The following UBN2 variants were observed in gnomAD, a reference collection of about 807,000 sequenced individuals.
UBN2 encodes the protein ubinuclein 2, also known as ubinuclein-2.
Under a neutral mutation model 120.2 loss-of-function variants are expected in UBN2, and 35 were observed. The observed-to-expected ratio is 0.29, with a 90% CI of 0.22 to 0.39. The LOEUF (loss-of-function observed/expected upper bound fraction) is 0.39. UBN2 is among the 10% of genes least tolerant of loss of function. The pLI is 1.00. For missense variants in UBN2, 1,693 were observed against 1,663.2 expected, an observed-to-expected ratio of 1.02 and a Z score of -0.31; for synonymous variants, 661 against 648.7, an observed-to-expected ratio of 1.02 and a Z score of -0.29.
chr7:139,289,444 ACT>A (rs1491224758), intron 15 of UBN2, among the ~76,000 whole-genome samples: 1 of 121,954 alleles, frequency 8.2e-6, no homozygotes, highest in Admixed American at 1.1e-4. Flanking sequence ...ACAGGGTCTC[ACT>A]CTGTTGCCCA....
rs1166383626 is a variant in UBN2, at chr7:139,235,049, GT to G, written c.469-1951del. Among the ~76,000 whole-genome samples the G allele has an allele frequency of 3.3e-5, 5 of 152,028 alleles. No homozygotes were observed. The South Asian group carries it at 1.0e-3, about 32-fold the overall frequency. ...AAAGTGAGTCCATTTTCTTAAATTTGTTTTTGTAGGCTGTCAAGAGAAAATA... is the reference window on the plus strand; with the variant it reads ...AAAGTGAGTCCATTTTCTTAAATTTGTTTTGTAGGCTGTCAAGAGAAAATA... On this transcript the variant is annotated intron_variant, in intron 1 of 17. Coordinates refer to ENST00000473989, the MANE Select transcript of UBN2 (RefSeq NM_173569.4).
chr7:139,257,599 G>A (rs1028002630), intron 3 of UBN2, among the ~76,000 whole-genome samples: 2 of 151,894 alleles, frequency 1.3e-5, no homozygotes, highest in African/African-American at 4.8e-5. Flanking sequence ...TGTATTTTTA[G>A]TAGAGATGGG....
chr7:139,266,226 CAA>C (rs377760158), intron 6 of UBN2, 105 bp from the exon 7 acceptor site: 27,741 of 332,688 alleles, frequency 0.083, no homozygotes, highest in South Asian at 0.12. Flanking sequence ...GGCCCTATCT[CAA>C]AAAAAAAAAA....
downstream of UBN2, among the ~76,000 whole-genome samples, chr7:139,310,517 T>A (rs1798433649): frequency 6.6e-6 from 1 of 152,208 alleles, no homozygotes; most frequent in Non-Finnish European, 1.5e-5. Flanking sequence ...ATGCCTGTAA[T>A]CCCAGTACTT....
intron 3 of UBN2, among the ~76,000 whole-genome samples, chr7:139,257,366 ATATG>A (rs1563209421): frequency 6.6e-6 from 1 of 152,122 alleles, no homozygotes; most frequent in Non-Finnish European, 1.5e-5. Flanking sequence ...TTCTTTTAAA[ATATG>A]TGCTATTCTT....
At chr7:139,252,133 T>C (rs945874350) in intron 3 of UBN2, 76 bp downstream of exon 3, 1 of 1,180,572 alleles carries the variant, frequency 8.5e-7, no homozygotes. Flanking sequence ...TAAAGTAACT[T>C]AAATAGTGCA....
In UBN2 at chr7:139,305,853, A is replaced by G. The variant is rs1471993226; in HGVS notation, c.*8017A>G. On this transcript the variant is annotated 3_prime_UTR_variant, in exon 18 of 18. Transcript: ENST00000473989. Reference sequence around the variant, plus strand: ...GTTACTTTTCAAGGTTATTCTAAAGAGATGGAGATCTTCATTAGAGGCTAT... The same window carrying G: ...GTTACTTTTCAAGGTTATTCTAAAGGGATGGAGATCTTCATTAGAGGCTAT... 6.6e-6 allele frequency: 1 copy of G among 152,154 alleles called. No homozygotes were observed. Among genetic ancestry groups the G allele is most frequent in the Non-Finnish European group, 1.5e-5 (1 of 68,026 alleles). 9.4% of individuals were successfully genotyped at this position (152,154 alleles called of 1,614,324 possible).
chr7:139,288,589 A>T (rs561143253), intron 15 of UBN2, among the ~76,000 whole-genome samples: 18 of 152,250 alleles, frequency 1.2e-4, no homozygotes, highest in Admixed American at 5.9e-4. Flanking sequence ...GTGGGAAGCT[A>T]TTGGAGGTTC....
intron 13 of UBN2, among the ~76,000 whole-genome samples, chr7:139,280,728 C>T (rs1797583948): frequency 6.6e-6 from 1 of 152,208 alleles, no homozygotes; most frequent in South Asian, 2.1e-4. Context: ...TCACTGCAAC[C>T]TCTGCCTCAC....
chr7:139,259,236 C>T (rs903029699), intron 4 of UBN2, 31 bp from the exon 5 acceptor site: 6 of 1,607,300 alleles, frequency 3.7e-6, no homozygotes, highest in Non-Finnish European at 5.1e-6. Flanking sequence ...TTGTTACTTA[C>T]ATAAATGATC....
chr7:139,316,728 A>G, the UBN2 span, among the ~76,000 whole-genome samples: 3 of 152,190 alleles, frequency 2.0e-5, no homozygotes, highest in East Asian at 5.8e-4. Context: ...CTGGACGACA[A>G]GAGTGAAACT....
intron 2 of UBN2, among the ~76,000 whole-genome samples, chr7:139,246,618 T>C (rs1295184278): frequency 6.6e-6 from 1 of 152,218 alleles, no homozygotes; most frequent in Non-Finnish European, 1.5e-5. Flanking sequence ...TGATGGATTT[T>C]AACAGATGCG....
intron 2 of UBN2, among the ~76,000 whole-genome samples, 170 bp from the exon 3 acceptor site, chr7:139,251,786 C>G (rs1796630892): frequency 6.6e-6 from 1 of 152,200 alleles, no homozygotes; most frequent in African/African-American, 2.4e-5. Flanking sequence ...TTTTTATACT[C>G]TTTGGAACAA....
intron 8 of UBN2, among the ~76,000 whole-genome samples, chr7:139,271,766 A>G (rs1797282078): frequency 6.6e-6 from 1 of 152,158 alleles, no homozygotes; most frequent in South Asian, 2.1e-4. Context: ...TTGCCCTGAA[A>G]ACGCACATGA....
At chr7:139,321,660 T>G in the UBN2 span, among the ~76,000 whole-genome samples, 3 of 145,142 alleles carry the variant, frequency 2.1e-5, no homozygotes, top group Admixed American at 7.5e-5. Flanking sequence ...GTGTAGCCTC[T>G]GGGGGACAGC....
intron 3 of UBN2, among the ~76,000 whole-genome samples, chr7:139,258,235 A>G (rs1796820913): frequency 6.6e-6 from 1 of 152,018 alleles, no homozygotes; most frequent in Non-Finnish European, 1.5e-5. Context: ...TGATCCTTAA[A>G]TTTTTCTTAG....
the UBN2 span, among the ~76,000 whole-genome samples, chr7:139,324,472 C>A: frequency 7.1e-6 from 1 of 141,418 alleles, no homozygotes. Context: ...AGGAGAATGG[C>A]GTGAAGCCAG....
rs199988027 is a variant in UBN2, at chr7:139,261,753, A to T, written c.1395+12A>T. 2 of 1,594,136 alleles carry T rather than the reference A, an allele frequency of 1.3e-6. No homozygotes were observed. The highest frequency in any genetic ancestry group is 1.3e-5 in the African/African-American group (1 of 74,278). On this transcript the variant is annotated intron_variant, in intron 6 of 17. Coordinates refer to ENST00000473989, the MANE Select transcript of UBN2 (RefSeq NM_173569.4). ...AAGACCTTCGTGTAGTAAGTGTAAT[A>T]ATTCTCTTGCTTTTTATTTGCTGCA...
intron 15 of UBN2, among the ~76,000 whole-genome samples, chr7:139,286,054 A>G (rs1797777669): frequency 6.6e-6 from 1 of 152,184 alleles, no homozygotes; most frequent in Admixed American, 6.6e-5. Flanking sequence ...CAGCTTCCTG[A>G]ATAGCTGGGA....
Sources: allele counts gnomAD v4.1 joint callset (sites outside exome capture counted in the v4.1 genomes callset), GRCh38; gene constraint gnomAD v4.1.1; transcripts MANE v1.5; gene names NCBI Gene and HGNC (gene_info 2026-07-23, HGNC 2026-07-21).